The following VIT variants were observed in gnomAD, a reference collection of about 807,000 sequenced individuals.
VIT encodes vitrin.
VIT carries 99 observed loss-of-function variants against 78.0 expected under a neutral mutation model. The ratio of observed to expected loss-of-function variants is 1.27; its 90% confidence interval spans 1.08 to 1.50. The LOEUF is 1.50. VIT is among the 40% of genes most tolerant of loss of function. VIT has a pLI of 0.00. For synonymous variants in VIT, 374 were observed against 334.3 expected (o/e 1.12, Z -1.29); for missense variants, 1,126 against 875.3 (o/e 1.29, Z -3.61).
Position 36,810,145 on chromosome 2 carries a change from G to A in VIT, c.1903+1160G>A, listed in dbSNP as rs1178544905. ...CGTCGCTACTAAAAATACAAAATTGGCCAGGCAAGGAGGCACACGCCTGTA... is the reference window on the plus strand; with the variant it reads ...CGTCGCTACTAAAAATACAAAATTGACCAGGCAAGGAGGCACACGCCTGTA... On this transcript the variant is annotated intron_variant, in intron 15 of 15. Coordinates refer to ENST00000379242, the MANE Select transcript of VIT (RefSeq NM_053276.4). 2.0e-5 allele frequency among the ~76,000 whole-genome samples: 3 copies of A among 152,056 alleles called. No individual in the cohort carries two copies. The East Asian group carries it at 5.8e-4, about 29-fold the overall frequency.
chr2:36,801,257 A>G, intron 12 of VIT, 44 bp from the exon 13 acceptor site: 5 of 1,526,388 alleles, frequency 3.3e-6, no homozygotes, highest in Admixed American at 1.7e-5. Flanking sequence ...CTCCAAAGGT[A>G]TTAACTTTGC....
chr2:36,759,636 T>C (rs972747788), intron 6 of VIT: 2 of 990,048 alleles, frequency 2.0e-6, no homozygotes, highest in African/African-American at 3.5e-5. Context: ...TCCAGAGGTG[T>C]TTTGATTTCC....
intron 12 of VIT, chr2:36,787,822 C>T: frequency 2.2e-6 from 1 of 456,154 alleles, no homozygotes; most frequent in Non-Finnish European, 4.4e-6. Flanking sequence ...ACTCACCAGG[C>T]AATGGAGAAG....
At position 36,761,371 on chromosome 2, in the gene VIT, G is replaced by A. The variant is rs574225247; in HGVS notation, c.487+2325G>A. 2.6e-5 allele frequency among the ~76,000 whole-genome samples: 4 copies of A among 152,246 alleles called. 1 individual carries two copies. In the South Asian group the frequency reaches 8.3e-4, roughly 32 times the overall value. On this transcript the variant is annotated intron_variant, in intron 6 of 15. Coordinates refer to ENST00000379242, the MANE Select transcript of VIT (RefSeq NM_053276.4). ...CTGTCCACTGGCCTGGGATGGGGGT[G>A]TCGGGGGTGTTGTGCAGGTTCTACT...
rs1055718454 is a variant in VIT at position 36,696,902 on chromosome 2, C to T, written c.-90C>T. 7.9e-5 allele frequency: 12 copies of T among 151,852 alleles called. No individual in the cohort carries two copies. The highest frequency in any genetic ancestry group is 2.7e-4 in the African/African-American group (11 of 41,320). 9.4% of individuals were successfully genotyped at this position (151,852 alleles called of 1,614,324 possible). ...GGATGGGATTTGTGATGCAGGAAAG[C>T]CTAAGGGAAAAAGAATATTCATTCT... On this transcript the variant is annotated 5_prime_UTR_variant, in exon 1 of 16. Transcript: ENST00000379242.
Position 36,814,590 on chromosome 2 carries a change from G to C in VIT, c.*229G>C, listed in dbSNP as rs1667432683. 3.9e-6 allele frequency: 2 copies of C among 515,780 alleles called. No individual in the cohort carries two copies. Among genetic ancestry groups the C allele is most frequent in the African/African-American group, 1.9e-5 (1 of 52,498 alleles). The allele number at this position is 515,780 out of a possible 1,614,324, so 32.0% of individuals were successfully genotyped here. ...GCCAAAAGGCTACATCATGTTGAGG[G>C]TGCTGGAGATTTTACATTTTGACAA... is the stretch of plus-strand genomic sequence containing the variant. On this transcript the variant is annotated 3_prime_UTR_variant, in exon 16 of 16. Coordinates refer to ENST00000379242, the MANE Select transcript of VIT (RefSeq NM_053276.4).
chr2:36,702,160 C>T (rs535559800), intron 1 of VIT, among the ~76,000 whole-genome samples: 1 of 152,088 alleles, frequency 6.6e-6, no homozygotes, highest in Non-Finnish European at 1.5e-5. Context: ...GAAGAGCATT[C>T]CAGGCAGAGG....
At chr2:36,795,376 T>C (rs1665812107) in intron 12 of VIT, among the ~76,000 whole-genome samples, 1 of 78,888 alleles carries the variant, frequency 1.3e-5, no homozygotes, top group Admixed American at 1.9e-4. Flanking sequence ...TTTATTTTAT[T>C]TTATTTTATA....
chr2:36,739,772 G>A (rs766165312), intron 3 of VIT, among the ~76,000 whole-genome samples: 18 of 152,268 alleles, frequency 1.2e-4, no homozygotes, highest in East Asian at 3.9e-4. Context: ...AGGGAGAAGC[G>A]GAGCAGGTGG....
chr2:36,787,911 C>A, intron 12 of VIT: 1 of 434,558 alleles, frequency 2.3e-6, no homozygotes, highest in Non-Finnish European at 4.6e-6. Flanking sequence ...TATTATTATA[C>A]TTAGGATAGA....
chr2:36,785,503 T>C (rs889958281), intron 11 of VIT, among the ~76,000 whole-genome samples: 1 of 152,192 alleles, frequency 6.6e-6, no homozygotes, highest in Admixed American at 6.5e-5. Context: ...CAGGTTTTAG[T>C]GGCATTTTTC....
intron 14 of VIT, among the ~76,000 whole-genome samples, chr2:36,807,240 T>A (rs188249833): frequency 1.3e-5 from 2 of 152,234 alleles, no homozygotes; most frequent in Admixed American, 1.3e-4. Flanking sequence ...TCCTGTGGGG[T>A]CCTTGCTCCA....
At position 36,697,643 on chromosome 2, in the gene VIT, G is replaced by A. The variant is rs1190240055; in HGVS notation, c.-19+670G>A. 7.9e-5 allele frequency among the ~76,000 whole-genome samples: 12 copies of A among 152,232 alleles called. No individual in the cohort carries two copies. The East Asian group carries it at 2.1e-3, about 27-fold the overall frequency. ...AGGATATGAAATCTCTTTTAAGTATGATTTGTGTCCAACTAGTATAAACAT... is the reference window on the plus strand; with the variant it reads ...AGGATATGAAATCTCTTTTAAGTATAATTTGTGTCCAACTAGTATAAACAT... On this transcript the variant is annotated intron_variant, in intron 1 of 15. Coordinates refer to ENST00000379242, the MANE Select transcript of VIT (RefSeq NM_053276.4).
At chr2:36,740,531 T>G (rs1490516482) in intron 3 of VIT, among the ~76,000 whole-genome samples, 1 of 152,230 alleles carries the variant, frequency 6.6e-6, no homozygotes, top group African/African-American at 2.4e-5. Context: ...ACAAATTTTT[T>G]ACCTTTAGCC....
At chr2:36,747,687 G>C (rs1003704863) in intron 4 of VIT, among the ~76,000 whole-genome samples, 1 of 152,170 alleles carries the variant, frequency 6.6e-6, no homozygotes, top group South Asian at 2.1e-4. Flanking sequence ...AGATGGCTGG[G>C]TCTTGTTTCT....
At chr2:36,812,040 G>A (rs1011245861) in intron 15 of VIT, among the ~76,000 whole-genome samples, 6 of 152,150 alleles carry the variant, frequency 3.9e-5, no homozygotes, top group East Asian at 3.9e-4. Flanking sequence ...ATCTTTGAGC[G>A]GGAAGGAGGG....
rs1553382315 is a variant in VIT, at chr2:36,805,570, C to T, written c.1295C>T (p.Ala432Val). The T allele has an allele frequency of 1.2e-5, 19 of 1,613,916 alleles. No homozygotes were observed. The highest frequency in any genetic ancestry group is 2.7e-5 in the African/African-American group (2 of 74,862). ...TDKVEEASRL[A>V]RESGINIFFI... ...AAAGTGGAGGAGGCTTCAAGACTTG[C>T]GAGAGAGTCAGGAATCAACATTTTC... Residue 432 changes from alanine (A) to valine (V), a missense_variant, in exon 14 of 16, where the codon GCG (alanine) becomes GTG (valine). Coordinates refer to ENST00000379242, the MANE Select transcript of VIT (RefSeq NM_053276.4).
At chr2:36,813,457 A>G (rs1379859576) in intron 15 of VIT, among the ~76,000 whole-genome samples, 1 of 152,132 alleles carries the variant, frequency 6.6e-6, no homozygotes, top group African/African-American at 2.4e-5. Context: ...TCAAACAAAC[A>G]AACAAAAACC....
chr2:36,775,756 A>G (rs1316408909), intron 9 of VIT, among the ~76,000 whole-genome samples: 1 of 148,430 alleles, frequency 6.7e-6, no homozygotes, highest in Non-Finnish European at 1.5e-5. Flanking sequence ...AGTGCCTCAG[A>G]GTCTCCCATG....
Sources: allele counts gnomAD v4.1 joint callset (sites outside exome capture counted in the v4.1 genomes callset), GRCh38; gene constraint gnomAD v4.1.1; transcripts MANE v1.5; gene names NCBI Gene and HGNC (gene_info 2026-07-23, HGNC 2026-07-21).